The following RBFOX2 variants were observed in gnomAD, a reference collection of about 807,000 sequenced individuals.
RBFOX2 encodes the protein RNA binding fox-1 homolog 2.
A neutral mutation model predicts 49.1 loss-of-function variants in RBFOX2; 10 were observed. The observed-to-expected ratio is 0.20, with a 90% CI of 0.13 to 0.35. The LOEUF is 0.35. Ranked by LOEUF, RBFOX2 falls within the 10% of genes least tolerant of loss-of-function variation. The probability of loss-of-function intolerance (pLI) is 1.00; values close to 1 mark genes in which losing one functional copy is unlikely to be tolerated. For missense variants in RBFOX2, 323 were observed against 486.9 expected (o/e 0.66, Z 3.17); for synonymous variants, 183 against 187.4 (o/e 0.98, Z 0.19).
At position 35,892,845 on chromosome 22, in the gene RBFOX2, T is replaced by C. The variant is rs189539775; in HGVS notation, c.-34+46002A>G. Among the ~76,000 whole-genome samples the C allele has an allele frequency of 1.3e-3, 200 of 152,340 alleles. 1 individual carries two copies. The highest frequency in any genetic ancestry group is 6.2e-4 in the Non-Finnish European group (42 of 68,024). ...TGGAAACTGAGTCTCAGAATAGTTA[T>C]ATGACTGCCGAAAGTCACATGGCTT... On this transcript the variant is annotated intron_variant, in intron 1 of 13. Transcript: ENST00000359369.
At chr22:35,996,952 G>A (rs970262156) in intron 1 of RBFOX2, 1 of 152,194 alleles carries the variant, frequency 6.6e-6, no homozygotes, top group Non-Finnish European at 1.5e-5. Context: ...AATGGTGACT[G>A]ACACCACAAG....
At chr22:35,893,067 T>G (rs1176286459) in intron 1 of RBFOX2, among the ~76,000 whole-genome samples, 1 of 152,240 alleles carries the variant, frequency 6.6e-6, no homozygotes, top group Non-Finnish European at 1.5e-5. Context: ...ATAAAAGAGA[T>G]AGAGCTGACC....
At chr22:35,915,843 A>T (rs2050350412) in intron 1 of RBFOX2, among the ~76,000 whole-genome samples, 1 of 152,194 alleles carries the variant, frequency 6.6e-6, no homozygotes, top group South Asian at 2.1e-4. Flanking sequence ...AACTGTGTAG[A>T]CTACAAATGA....
chr22:35,998,760 A>C (rs1459542230), intron 1 of RBFOX2: 1 of 152,406 alleles, frequency 6.6e-6, no homozygotes. Flanking sequence ...GAAAGCAATC[A>C]AGGTGAGCCA....
chr22:35,819,912 T>G (rs1344292008), intron 1 of RBFOX2, among the ~76,000 whole-genome samples: 1 of 152,114 alleles, frequency 6.6e-6, no homozygotes, highest in Non-Finnish European at 1.5e-5. Context: ...TTTTAGAAAC[T>G]AAGGCAACAA....
intron 10 of RBFOX2, 139 bp downstream of exon 12, chr22:35,746,334 T>C: frequency 2.6e-6 from 2 of 756,794 alleles, no homozygotes. Flanking sequence ...CATCAAGAGG[T>C]CTGCAGAAAG....
At chr22:35,857,996 G>C (rs545000104) in intron 1 of RBFOX2, among the ~76,000 whole-genome samples, 1 of 152,288 alleles carries the variant, frequency 6.6e-6, no homozygotes, top group Admixed American at 6.5e-5. Flanking sequence ...TAGAAATCTA[G>C]AAAGGTTAAA....
exon 12 of RBFOX2, chr22:35,740,403 G>A (rs763548828): frequency 6.6e-6 from 1 of 152,566 alleles, no homozygotes; most frequent in Admixed American, 6.5e-5. Flanking sequence ...ACATTTTCAA[G>A]AGCATGACAA....
At chr22:35,938,439 G>A (rs563561621) in intron 1 of RBFOX2, among the ~76,000 whole-genome samples, 1 of 152,144 alleles carries the variant, frequency 6.6e-6, no homozygotes, top group South Asian at 2.1e-4. Context: ...CCCCAGGGAG[G>A]AGAATGGAAT....
chr22:35,844,467 C>G (rs1009079036), upstream of RBFOX2, among the ~76,000 whole-genome samples: 1 of 152,032 alleles, frequency 6.6e-6, no homozygotes, highest in Admixed American at 6.6e-5. Flanking sequence ...CAAGAGCGCA[C>G]TTGGAGATAT....
At chr22:35,929,098 G>A (rs535785428) in intron 1 of RBFOX2, among the ~76,000 whole-genome samples, 62 of 151,908 alleles carry the variant, frequency 4.1e-4, no homozygotes, top group African/African-American at 1.5e-3. Flanking sequence ...CAGCATTGGC[G>A]ACCTCATTTC....
intron 2 of RBFOX2, among the ~76,000 whole-genome samples, chr22:35,796,504 A>G (rs901351867): frequency 6.6e-6 from 1 of 152,206 alleles, no homozygotes; most frequent in Non-Finnish European, 1.5e-5. Flanking sequence ...AGAAAAGGGA[A>G]AAGTATTTCA....
At chr22:35,846,258 T>TA (rs1164735837) in intron 1 of RBFOX2, among the ~76,000 whole-genome samples, 1 of 149,594 alleles carries the variant, frequency 6.7e-6, no homozygotes, top group African/African-American at 2.4e-5. Context: ...TATGTAAGTA[T>TA]AAACTATATA....
At chr22:35,798,685 C>T (rs548428317) in intron 2 of RBFOX2, among the ~76,000 whole-genome samples, 1 of 152,044 alleles carries the variant, frequency 6.6e-6, no homozygotes, top group South Asian at 2.1e-4. Context: ...TAGTTATTGC[C>T]CCTATATATG....
At chr22:36,007,693 A>G (rs2058668444) in intron 1 of RBFOX2, among the ~76,000 whole-genome samples, 1 of 152,126 alleles carries the variant, frequency 6.6e-6, no homozygotes, top group African/African-American at 2.4e-5. Context: ...CGAGGAGGCA[A>G]CCGCTGGGGA....
At chr22:35,857,977 A>T (rs892743274) in intron 1 of RBFOX2, among the ~76,000 whole-genome samples, 2 of 152,256 alleles carry the variant, frequency 1.3e-5, no homozygotes, top group African/African-American at 4.8e-5. Flanking sequence ...AATATATAAC[A>T]ATGCCAAGTA....
At chr22:35,838,781 G>A (rs1019412171) in intron 1 of RBFOX2, among the ~76,000 whole-genome samples, 1 of 152,174 alleles carries the variant, frequency 6.6e-6, no homozygotes, top group Non-Finnish European at 1.5e-5. Flanking sequence ...AAGCTTCTCC[G>A]CTTTTCCAAA....
At chr22:35,813,447 T>C (rs1024747283) in intron 1 of RBFOX2, among the ~76,000 whole-genome samples, 1 of 152,216 alleles carries the variant, frequency 6.6e-6, no homozygotes, top group African/African-American at 2.4e-5. Flanking sequence ...GTATATCTCA[T>C]CTGAGAAAAG....
chr22:35,979,523 G>A (rs1223948689), intron 1 of RBFOX2, among the ~76,000 whole-genome samples: 1 of 152,058 alleles, frequency 6.6e-6, no homozygotes, highest in South Asian at 2.1e-4. Context: ...CTCAGAAAAG[G>A]CACAATGAAA....
Sources: gnomAD v4.1 joint callset for allele counts (sites outside exome capture counted in the v4.1 genomes callset) on GRCh38, gnomAD v4.1.1 for gene constraint, MANE v1.5 for transcripts, NCBI Gene and HGNC (gene_info 2026-07-23, HGNC 2026-07-21) for gene names.